The following LRRC20 variants were observed in gnomAD, a reference collection of about 807,000 sequenced individuals.
The protein encoded by LRRC20 is leucine-rich repeat-containing protein 20.
Under a neutral mutation model 14.4 loss-of-function variants are expected in LRRC20, and 11 were observed. The observed-to-expected ratio is 0.77, with a 90% CI of 0.48 to 1.27. The LOEUF (loss-of-function observed/expected upper bound fraction) is 1.27, where lower values mean the gene tolerates loss of function less well. Ranked by LOEUF, LRRC20 falls within the 50% of genes most tolerant of loss-of-function variation. LRRC20 has a pLI of 0.00. For missense variants in LRRC20, 219 were observed against 251.2 expected (o/e 0.87, Z 0.87); for synonymous variants, 121 against 107.3 (o/e 1.13, Z -0.79).
intron 2 of LRRC20, among the ~76,000 whole-genome samples, chr10:70,347,731 A>T (rs1192927131): frequency 6.6e-6 from 1 of 150,720 alleles, no homozygotes; most frequent in Non-Finnish European, 1.5e-5. Flanking sequence ...AGGTGGGAGA[A>T]TTGCTTGAGC....
intron 3 of LRRC20, among the ~76,000 whole-genome samples, chr10:70,335,919 G>A (rs1436320309): frequency 6.6e-6 from 1 of 152,100 alleles, no homozygotes; most frequent in African/African-American, 2.4e-5. Context: ...ATTACTGAAA[G>A]CAAAACTGAC....
At chr10:70,349,170 C>T (rs1843194361) in intron 2 of LRRC20, among the ~76,000 whole-genome samples, 1 of 152,122 alleles carries the variant, frequency 6.6e-6, no homozygotes, top group South Asian at 2.1e-4. Flanking sequence ...AGAAAAGGCT[C>T]CTGGGTGAGG....
At chr10:70,319,944 T>C (rs915934046) in intron 4 of LRRC20, among the ~76,000 whole-genome samples, 2 of 152,230 alleles carry the variant, frequency 1.3e-5, no homozygotes, top group African/African-American at 4.8e-5. Flanking sequence ...GCTGTGTGTC[T>C]GCCAGGGAGT....
chr10:70,336,791 G>C (rs1281932595), intron 3 of LRRC20, among the ~76,000 whole-genome samples: 2 of 152,154 alleles, frequency 1.3e-5, no homozygotes, highest in African/African-American at 4.8e-5. Context: ...GGTGGTCTTC[G>C]TTTATTGCCA....
intron 4 of LRRC20, among the ~76,000 whole-genome samples, chr10:70,309,502 C>G (rs1841561964): frequency 6.6e-6 from 1 of 152,202 alleles, no homozygotes; most frequent in Non-Finnish European, 1.5e-5. Context: ...GCACTGGCCC[C>G]CGGCCCCCAG....
intron 2 of LRRC20, among the ~76,000 whole-genome samples, chr10:70,342,311 A>C (rs998015067): frequency 6.6e-6 from 1 of 152,104 alleles, no homozygotes; most frequent in African/African-American, 2.4e-5. Context: ...CTATCTCAAA[A>C]AAAAAAAAAA....
intron 4 of LRRC20, among the ~76,000 whole-genome samples, chr10:70,311,006 T>G (rs1841633816): frequency 6.6e-6 from 1 of 152,248 alleles, no homozygotes; most frequent in Non-Finnish European, 1.5e-5. Flanking sequence ...GTTTAATGTG[T>G]TTGTGTATGT....
rs551389374 is a variant in LRRC20 at position 70,354,785 on chromosome 10, G to C, written c.83-14083C>G. Among the ~76,000 whole-genome samples, 3 of 152,258 alleles carry C rather than the reference G, an allele frequency of 2.0e-5. No individual in the cohort carries two copies. In the South Asian group the frequency reaches 6.2e-4, roughly 32 times the overall value. On this transcript the variant is annotated intron_variant, in intron 2 of 4. Coordinates refer to ENST00000446961, the MANE Select transcript of LRRC20 (RefSeq NM_001278212.2). ...ATTTCAGGACAGAGCAGCAGAGACA[G>C]AGTCTCTTCACTCTCTTCTCTCGCT...
chr10:70,381,723 T>TG (rs1475839805), intron 1 of LRRC20: 9 of 151,492 alleles, frequency 5.9e-5, no homozygotes, highest in African/African-American at 1.9e-4. Flanking sequence ...GGTGGGGAGG[T>TG]GAGGAGCGAC....
chr10:70,366,773 A>T (rs1304581904), intron 2 of LRRC20, among the ~76,000 whole-genome samples: 1 of 152,238 alleles, frequency 6.6e-6, no homozygotes, highest in African/African-American at 2.4e-5. Context: ...TAAATAAATA[A>T]TACAAATTTT....
At chr10:70,376,399 C>G (rs1589133734) in intron 2 of LRRC20, 53 bp downstream of exon 2, 7 of 1,560,188 alleles carry the variant, frequency 4.5e-6, no homozygotes, top group African/African-American at 1.4e-5. Context: ...CATTTCTAAG[C>G]TGATCTCACA....
At chr10:70,303,574 A>C (rs1309540183) in intron 4 of LRRC20, among the ~76,000 whole-genome samples, 1 of 152,242 alleles carries the variant, frequency 6.6e-6, no homozygotes, top group African/African-American at 2.4e-5. Context: ...GCTGTCATCC[A>C]CCTAACTTAC....
At chr10:70,327,893 C>T (rs1470363708) in intron 3 of LRRC20, among the ~76,000 whole-genome samples, 5 of 152,214 alleles carry the variant, frequency 3.3e-5, no homozygotes, top group Admixed American at 6.5e-5. Context: ...CATTTGTCCC[C>T]TCCCTAAGAG....
intron 4 of LRRC20, among the ~76,000 whole-genome samples, chr10:70,318,676 C>T (rs1362287674): frequency 6.6e-6 from 1 of 151,614 alleles, no homozygotes; most frequent in African/African-American, 2.4e-5. Flanking sequence ...ATCACTTGAG[C>T]CTGGGAAGTT....
At chr10:70,380,256 G>A (rs1246630048) in intron 1 of LRRC20, among the ~76,000 whole-genome samples, 1 of 152,166 alleles carries the variant, frequency 6.6e-6, no homozygotes, top group Non-Finnish European at 1.5e-5. Flanking sequence ...AGGAAGAAGG[G>A]CCCCTTCCTT....
chr10:70,342,603 G>T (rs951841516), intron 2 of LRRC20, among the ~76,000 whole-genome samples: 1 of 152,170 alleles, frequency 6.6e-6, no homozygotes, highest in South Asian at 2.1e-4. Context: ...ACCACCAGCT[G>T]CCTAGCAGAG....
chr10:70,314,374 C>T (rs1841782008), intron 4 of LRRC20, among the ~76,000 whole-genome samples: 2 of 152,186 alleles, frequency 1.3e-5, no homozygotes, highest in African/African-American at 2.4e-5. Flanking sequence ...GACAAACTAT[C>T]CTTGAAAAAT....
intron 2 of LRRC20, among the ~76,000 whole-genome samples, chr10:70,371,526 G>A (rs1477405048): frequency 6.6e-5 from 10 of 152,136 alleles, no homozygotes; most frequent in South Asian, 6.2e-4. Context: ...CCTAAGACCC[G>A]GAGAGGAGCG....
chr10:70,343,447 C>T (rs1220833863), intron 2 of LRRC20, among the ~76,000 whole-genome samples: 1 of 152,238 alleles, frequency 6.6e-6, no homozygotes, highest in East Asian at 1.9e-4. Flanking sequence ...TTAATGCCTC[C>T]TCTGGTCCAG....
Sources: allele counts gnomAD v4.1 joint callset (sites outside exome capture counted in the v4.1 genomes callset), GRCh38; gene constraint gnomAD v4.1.1; transcripts MANE v1.5; gene names NCBI Gene and HGNC (gene_info 2026-07-23, HGNC 2026-07-21).